ABI1: variants seen among roughly 807,000 people sequenced by gnomAD.
ABI1 encodes the protein Abelson interactor 1.
In ABI1, 14 loss-of-function variants were observed where a neutral mutation model predicts 54.6. That is an observed-to-expected ratio of 0.26 (90% confidence interval 0.17 to 0.40). The LOEUF is 0.40. Among genes scored for constraint, ABI1 ranks in the 10% least tolerant of loss-of-function variants. The pLI is 1.00. For synonymous variants in ABI1, 194 were observed against 209.3 expected (o/e 0.93, Z 0.63); for missense variants, 443 against 598.3 (o/e 0.74, Z 2.71).
At chr10:26,769,983 T>A (rs12267091) in intron 5 of ABI1, among the ~76,000 whole-genome samples, 22,449 of 152,106 alleles carry the variant, frequency 0.15, 2,165 homozygotes, top group African/African-American at 0.28. Context: ...TTATATTTTT[T>A]AAAAATTAGA....
At chr10:26,841,317 A>G (rs2049483235) in intron 1 of ABI1, among the ~76,000 whole-genome samples, 1 of 151,928 alleles carries the variant, frequency 6.6e-6, no homozygotes. Context: ...AGCATACAAC[A>G]TGATGTTATG....
chr10:26,763,067 G>A (rs2132608064), intron 7 of ABI1, among the ~76,000 whole-genome samples: 1 of 152,202 alleles, frequency 6.6e-6, no homozygotes, highest in East Asian at 1.9e-4. Flanking sequence ...ATTGGGTTGA[G>A]GCTATTTTTT....
intron 8 of ABI1, among the ~76,000 whole-genome samples, chr10:26,756,223 C>T (rs1366486471): frequency 2.0e-5 from 3 of 152,038 alleles, no homozygotes; most frequent in African/African-American, 7.2e-5. Flanking sequence ...TATATAATAG[C>T]TATTTATTTC....
At chr10:26,829,524 T>TA (rs2048528838) in intron 1 of ABI1, among the ~76,000 whole-genome samples, 1 of 152,318 alleles carries the variant, frequency 6.6e-6, no homozygotes, top group East Asian at 1.9e-4. Context: ...TAGCTTAACT[T>TA]AGACATTCCA....
intron 7 of ABI1, among the ~76,000 whole-genome samples, chr10:26,761,661 TACACACACACATACAC>T (rs1839238067): frequency 3.8e-4 from 30 of 78,822 alleles, no homozygotes; most frequent in African/African-American, 6.7e-4. Context: ...TATATATATA[TACACACACACATACAC>T]ATATATAACC....
chr10:26,793,162 A>G (rs2133229215), intron 2 of ABI1, among the ~76,000 whole-genome samples: 1 of 152,350 alleles, frequency 6.6e-6, no homozygotes, highest in Admixed American at 6.5e-5. Context: ...GAAAATCAAA[A>G]TATTTTTGCC....
chr10:26,794,080 C>T (rs1564508847), intron 2 of ABI1, among the ~76,000 whole-genome samples: 1 of 151,728 alleles, frequency 6.6e-6, no homozygotes, highest in Non-Finnish European at 1.5e-5. Flanking sequence ...CCATCTCTAC[C>T]AAAAAATATA....
intron 1 of ABI1, among the ~76,000 whole-genome samples, chr10:26,845,709 T>C (rs1191001355): frequency 2.0e-5 from 3 of 152,206 alleles, no homozygotes; most frequent in African/African-American, 4.8e-5. Context: ...CAGTCTTCCA[T>C]AGAGTAGGCA....
At chr10:26,809,276 A>G (rs5025734) in intron 2 of ABI1, among the ~76,000 whole-genome samples, 27,105 of 151,874 alleles carry the variant, frequency 0.18, 2,574 homozygotes, top group Admixed American at 0.22. Context: ...CTCAAAAAAA[A>G]AAAAAAAATT....
intron 1 of ABI1, among the ~76,000 whole-genome samples, chr10:26,848,200 C>CAAAAAAAAAAAAAA (rs149066426): frequency 1.3e-5 from 1 of 78,690 alleles, no homozygotes; most frequent in Non-Finnish European, 2.5e-5. Flanking sequence ...GACCCTGTCT[C>CAAAAAAAAAAAAAA]AAAAAAAAAA....
intron 2 of ABI1, among the ~76,000 whole-genome samples, chr10:26,809,394 C>T (rs2047079453): frequency 6.6e-6 from 1 of 150,892 alleles, no homozygotes; most frequent in African/African-American, 2.4e-5. Flanking sequence ...CCCATCTCTA[C>T]AAAAAGATGA....
Position 26,755,655 on chromosome 10 carries a change from TG to T in ABI1, c.1083del (p.Asn361LysfsTer41). 6.2e-7 allele frequency: 1 copy of T among 1,611,466 alleles called. No individual in the cohort carries two copies. The highest frequency in any genetic ancestry group is 8.5e-7 in the Non-Finnish European group (1 of 1,177,764). ...CATAGCTCAGTTTTTCCAAACTTAC[TG>T]TTTTCCTGCACCCTGGCCACGAAGC... The part of the protein sequence containing the change: ...LTGFVARVQE[N>X]IADSPTPPPP... On this transcript the variant is annotated frameshift_variant and splice_region_variant, in exon 9 of 11. Transcript: ENST00000376140. LOFTEE classifies it high-confidence loss of function.
At position 26,810,445 on chromosome 10, in the gene ABI1, G is replaced by A. The variant is rs575445029; in HGVS notation, c.285+12693C>T. Among the ~76,000 whole-genome samples, 20 of 152,222 alleles carry A rather than the reference G, an allele frequency of 1.3e-4. 1 individual carries two copies. The highest frequency in any genetic ancestry group is 4.8e-4 in the African/African-American group (20 of 41,540). ...TTACTTACTATAAATAGAGAAACCG[G>A]TGTTAAATCCCATGAACACTTTTTA... On this transcript the variant is annotated intron_variant, in intron 2 of 10. Transcript: ENST00000376140.
chr10:26,765,847 T>C (rs1016155090), intron 6 of ABI1, among the ~76,000 whole-genome samples: 2 of 152,170 alleles, frequency 1.3e-5, no homozygotes, highest in African/African-American at 4.8e-5. Flanking sequence ...GGAACCAATA[T>C]AATGATAACA....
At chr10:26,804,302 G>A (rs1588927102) in intron 2 of ABI1, among the ~76,000 whole-genome samples, 1 of 151,812 alleles carries the variant, frequency 6.6e-6, no homozygotes, top group African/African-American at 2.4e-5. Flanking sequence ...AGAATCTCTT[G>A]AACCCGGGAG....
At chr10:26,839,664 A>AT (rs201513592) in intron 1 of ABI1, 63,787 of 634,526 alleles carry the variant, frequency 0.1, 2,120 homozygotes, top group African/African-American at 0.23. Flanking sequence ...AAAAAAAAAA[A>AT]AACATGCCAG....
intron 1 of ABI1, among the ~76,000 whole-genome samples, chr10:26,853,884 T>C (rs1021935763): frequency 6.6e-6 from 1 of 152,210 alleles, no homozygotes; most frequent in African/African-American, 2.4e-5. Flanking sequence ...ATGGGTTTTA[T>C]AGATTTATAT....
chr10:26,761,617 CATATATATATAT>C (rs1164854399), intron 7 of ABI1, among the ~76,000 whole-genome samples: 3,477 of 49,848 alleles, frequency 0.07, 154 homozygotes, highest in Admixed American at 0.086. Flanking sequence ...TAGTTTTTGT[CATATATATATAT>C]ATATATATAT....
intron 2 of ABI1, among the ~76,000 whole-genome samples, chr10:26,804,584 T>C (rs991836862): frequency 6.6e-6 from 1 of 152,048 alleles, no homozygotes; most frequent in African/African-American, 2.4e-5. Context: ...CAAGAGAGAT[T>C]GAATATAAGA....
Sources: allele counts gnomAD v4.1 joint callset (sites outside exome capture counted in the v4.1 genomes callset), GRCh38; gene constraint gnomAD v4.1.1; transcripts MANE v1.5; gene names NCBI Gene and HGNC (gene_info 2026-07-23, HGNC 2026-07-21).